CYRIB: variants seen among roughly 807,000 people sequenced by gnomAD.
The protein encoded by CYRIB is CYFIP related Rac1 interactor B.
Under a neutral mutation model 44.2 loss-of-function variants are expected in CYRIB, and 8 were observed. The observed-to-expected ratio is 0.18, with a 90% CI of 0.11 to 0.33. The LOEUF (loss-of-function observed/expected upper bound fraction) is 0.33. CYRIB is among the 10% of genes least tolerant of loss of function. The probability of loss-of-function intolerance (pLI) is 1.00; values close to 1 mark genes in which losing one functional copy is unlikely to be tolerated. For synonymous variants in CYRIB, 131 were observed against 127.2 expected (o/e 1.03, Z -0.20); for missense variants, 185 against 382.8 (o/e 0.48, Z 4.31).
chr8:129,996,812 T>C (rs760153177), intron 1 of CYRIB, among the ~76,000 whole-genome samples: 1 of 151,826 alleles, frequency 6.6e-6, no homozygotes, highest in African/African-American at 2.4e-5. Context: ...CTCCGGGGTA[T>C]TTTTTTTAAG....
intron 2 of CYRIB, among the ~76,000 whole-genome samples, chr8:129,958,593 C>T (rs1264442303): frequency 6.6e-6 from 1 of 152,064 alleles, no homozygotes; most frequent in Non-Finnish European, 1.5e-5. Flanking sequence ...CAGCCTCGGG[C>T]AGAAAAGTCA....
rs188885543 is a variant in CYRIB, at chr8:129,949,746, T to C, written c.-243+21197A>G. The stretch of plus-strand genomic sequence containing the variant: ...TACAAAAATTAGCAGGGCGTGGTGG[T>C]GCATGCCTGTAATCCCAGCTACTCG... On this transcript the variant is annotated intron_variant, in intron 2 of 14. Transcript: ENST00000401979. 5.8e-4 allele frequency among the ~76,000 whole-genome samples: 88 copies of C among 150,806 alleles called. No homozygotes were observed. In the South Asian group the frequency reaches 0.011, roughly 19 times the overall value.
chr8:129,909,723 T>C (rs1423558962), intron 1 of CYRIB, among the ~76,000 whole-genome samples: 1 of 152,210 alleles, frequency 6.6e-6, no homozygotes, highest in Non-Finnish European at 1.5e-5. Flanking sequence ...GTTTATGAAC[T>C]ATTATTTTAT....
At chr8:129,889,330 G>A (rs988912012) in intron 2 of CYRIB, among the ~76,000 whole-genome samples, 1 of 152,178 alleles carries the variant, frequency 6.6e-6, no homozygotes, top group African/African-American at 2.4e-5. Flanking sequence ...AAATGTGTAA[G>A]GAGATTAACG....
intron 2 of CYRIB, among the ~76,000 whole-genome samples, chr8:129,901,046 T>C (rs1016726606): frequency 2.6e-5 from 4 of 152,236 alleles, no homozygotes; most frequent in Non-Finnish European, 5.9e-5. Flanking sequence ...TTAACACTTA[T>C]TTTCTACTCT....
chr8:129,911,856 T>G (rs903582413), intron 1 of CYRIB, among the ~76,000 whole-genome samples: 1 of 152,158 alleles, frequency 6.6e-6, no homozygotes, highest in African/African-American at 2.4e-5. Context: ...TTACTGACCA[T>G]CTACAATGGG....
chr8:129,968,950 G>A (rs2095587425), intron 2 of CYRIB, among the ~76,000 whole-genome samples: 1 of 148,954 alleles, frequency 6.7e-6, no homozygotes, highest in Non-Finnish European at 1.5e-5. Flanking sequence ...TAGCTTCTGT[G>A]CAAAAGCCCC....
intron 1 of CYRIB, among the ~76,000 whole-genome samples, chr8:129,925,699 C>T (rs2087235130): frequency 6.6e-6 from 1 of 152,218 alleles, no homozygotes; most frequent in Non-Finnish European, 1.5e-5. Context: ...GCTGCCAAAG[C>T]AGATAGTCTC....
chr8:129,899,761 C>T (rs2070467339), intron 2 of CYRIB, among the ~76,000 whole-genome samples: 2 of 152,116 alleles, frequency 1.3e-5, no homozygotes, highest in African/African-American at 4.8e-5. Flanking sequence ...AAATAAATAT[C>T]CTTAGCTACA....
At chr8:129,912,162 C>A (rs2078364203) in intron 1 of CYRIB, among the ~76,000 whole-genome samples, 2 of 152,100 alleles carry the variant, frequency 1.3e-5, no homozygotes, top group African/African-American at 2.4e-5. Context: ...TAAATACAAA[C>A]AGAGGTAATA....
intron 1 of CYRIB, among the ~76,000 whole-genome samples, chr8:129,927,711 A>G (rs187262624): frequency 2.0e-3 from 299 of 152,302 alleles, no homozygotes; most frequent in Middle Eastern, 3.4e-3. Flanking sequence ...CAATTTTTTT[A>G]TAAATATGAG....
chr8:129,850,952 A>G (rs13255945), intron 8 of CYRIB, 38 bp from the exon 11 acceptor site: 2 of 1,314,010 alleles, frequency 1.5e-6, no homozygotes, highest in Non-Finnish European at 2.2e-6. Flanking sequence ...AGTAAAAGTA[A>G]CAAACGTTAT....
At chr8:129,865,048 T>C (rs1213644517) in intron 4 of CYRIB, 1 of 165,420 alleles carries the variant, frequency 6.0e-6, no homozygotes, top group Non-Finnish European at 1.3e-5. Flanking sequence ...GCTCTCCAGC[T>C]CCACCTTCAC....
chr8:130,000,555 TG>T (rs1326705081), intron 1 of CYRIB, among the ~76,000 whole-genome samples: 8 of 151,994 alleles, frequency 5.3e-5, no homozygotes, highest in Admixed American at 5.2e-4. Flanking sequence ...TAGCCAGCCG[TG>T]GTGTCTCAAG....
intron 11 of CYRIB, among the ~76,000 whole-genome samples, chr8:129,844,705 C>T (rs191627969): frequency 3.3e-5 from 5 of 152,246 alleles, no homozygotes; most frequent in African/African-American, 9.6e-5. Flanking sequence ...CATATACATA[C>T]ATATGGAACT....
chr8:129,848,422 G>A (rs181327771), intron 10 of CYRIB, among the ~76,000 whole-genome samples: 7 of 152,312 alleles, frequency 4.6e-5, no homozygotes, highest in Admixed American at 2.0e-4. Flanking sequence ...AAGAAACTAC[G>A]AAGTAGAGAA....
At chr8:129,991,827 T>C (rs567509037) in intron 1 of CYRIB, among the ~76,000 whole-genome samples, 2 of 151,654 alleles carry the variant, frequency 1.3e-5, no homozygotes, top group Admixed American at 1.3e-4. Context: ...GGCACGCACC[T>C]TTAGTCCCAG....
intron 2 of CYRIB, among the ~76,000 whole-genome samples, chr8:129,887,503 G>A (rs764434675): frequency 6.2e-4 from 94 of 152,324 alleles, no homozygotes; most frequent in Admixed American, 2.0e-3. Context: ...CTGAGGCACT[G>A]CCTAACATAG....
intron 1 of CYRIB, among the ~76,000 whole-genome samples, chr8:129,976,604 T>G (rs748874217): frequency 3.3e-5 from 5 of 152,210 alleles, no homozygotes; most frequent in Non-Finnish European, 7.3e-5. Flanking sequence ...TGCTCAGCTC[T>G]TCCCATAGTT....
Sources: gnomAD v4.1 joint callset for allele counts (sites outside exome capture counted in the v4.1 genomes callset) on GRCh38, gnomAD v4.1.1 for gene constraint, MANE v1.5 for transcripts, NCBI Gene and HGNC (gene_info 2026-07-23, HGNC 2026-07-21) for gene names.